The following DYNC1I2 variants were observed in gnomAD, a reference collection of about 807,000 sequenced individuals.
The protein encoded by DYNC1I2 is cytoplasmic dynein 1 intermediate chain 2.
In DYNC1I2, 53 loss-of-function variants were observed where a neutral mutation model predicts 88.6. The observed-to-expected ratio is 0.60, with a 90% CI of 0.48 to 0.75. The LOEUF is 0.75. Ranked by LOEUF, DYNC1I2 falls within the 30% of genes least tolerant of loss-of-function variation. The pLI, the probability that DYNC1I2 is intolerant of heterozygous loss-of-function variation, is 0.00. For synonymous variants in DYNC1I2, 198 were observed against 254.6 expected, an observed-to-expected ratio of 0.78 and a Z score of 2.12; for missense variants, 458 against 766.6, an observed-to-expected ratio of 0.60 and a Z score of 4.75.
chr2:171,703,849 C>T (rs1159460131), intron 3 of DYNC1I2, among the ~76,000 whole-genome samples: 1 of 152,152 alleles, frequency 6.6e-6, no homozygotes, highest in Non-Finnish European at 1.5e-5. Context: ...TACTGAGTAT[C>T]ATTGATGACC....
chr2:171,691,962 G>A (rs1301784554), intron 2 of DYNC1I2, among the ~76,000 whole-genome samples: 7 of 152,028 alleles, frequency 4.6e-5, no homozygotes, highest in African/African-American at 7.2e-5. Flanking sequence ...AACCTGTTTT[G>A]TTATTTTGAT....
At chr2:171,690,744 C>T (rs1418194927) in intron 2 of DYNC1I2, among the ~76,000 whole-genome samples, 1 of 150,886 alleles carries the variant, frequency 6.6e-6, no homozygotes, top group Non-Finnish European at 1.5e-5. Context: ...GCCTCAACCT[C>T]CCCTGACTCA....
chr2:171,707,842 T>C (rs1026284403), intron 5 of DYNC1I2, among the ~76,000 whole-genome samples: 19 of 152,170 alleles, frequency 1.2e-4, no homozygotes, highest in African/African-American at 3.6e-4. Flanking sequence ...AGAATAATAA[T>C]GCATAAAATG....
At chr2:171,742,167 T>TTTTTTTTA in intron 15 of DYNC1I2, among the ~76,000 whole-genome samples, 1 of 151,916 alleles carries the variant, frequency 6.6e-6, no homozygotes, top group East Asian at 1.9e-4. Flanking sequence ...TCCAACTTTA[T>TTTTTTTTA]TTTTTTTATT....
At position 171,747,916 on chromosome 2, in the gene DYNC1I2, G is replaced by A. The variant is rs750290236; in HGVS notation, c.*27G>A. The A allele has an allele frequency of 1.3e-6, 2 of 1,499,942 alleles. No homozygotes were observed. Among genetic ancestry groups the A allele is most frequent in the Non-Finnish European group, 1.8e-6 (2 of 1,081,906 alleles). 92.9% of individuals were successfully genotyped at this position (1,499,942 alleles called of 1,614,324 possible). ...TCCTGAAAAGGGGAGTGTAACTAGT[G>A]GATTTGGGAAAGGTTCTTAAGTAGA... On this transcript the variant is annotated 3_prime_UTR_variant, in exon 18 of 18. Coordinates refer to ENST00000397119, the MANE Select transcript of DYNC1I2 (RefSeq NM_001378.3).
chr2:171,743,001 T>C lies in DYNC1I2; in HGVS notation c.1537-1048T>C, dbSNP rs190934265. ...CCTTGAATAATGCAGGGCTTAGGGG[T>C]GCCAACGCCTATCCCAGCAGTTCAA... On this transcript the variant is annotated intron_variant, in intron 15 of 17. Transcript: ENST00000397119. Among the ~76,000 whole-genome samples the C allele has an allele frequency of 6.6e-5, 10 of 152,284 alleles. No individual in the cohort carries two copies. The East Asian group carries it at 1.9e-3, about 29-fold the overall frequency.
At position 171,709,475 on chromosome 2, in the gene DYNC1I2, A is replaced by C. The variant is rs546010017; in HGVS notation, c.335+2098A>C. The stretch of plus-strand genomic sequence containing the variant: ...ACATTCATGGTCCTTGCTTTCATAG[A>C]ATTTACATTGTAGTGATTACATCAT... On this transcript the variant is annotated intron_variant, in intron 5 of 17. Transcript: ENST00000397119. Among the ~76,000 whole-genome samples, 72 of 152,324 alleles carry C rather than the reference A, an allele frequency of 4.7e-4. 1 individual carries two copies. Among genetic ancestry groups the C allele is most frequent in the African/African-American group, 1.7e-3 (70 of 41,572 alleles).
intron 15 of DYNC1I2, among the ~76,000 whole-genome samples, chr2:171,739,089 C>T (rs1689214168): frequency 7.3e-6 from 1 of 136,162 alleles, no homozygotes; most frequent in Non-Finnish European, 1.6e-5. Context: ...GCACTCTAGC[C>T]TGGGCAACAA....
chr2:171,749,062 G>A lies in DYNC1I2; in HGVS notation c.*1173G>A, dbSNP rs914968042. 6.6e-6 allele frequency among the ~76,000 whole-genome samples: 1 copy of A among 152,176 alleles called. No homozygotes were observed. Among genetic ancestry groups the A allele is most frequent in the Non-Finnish European group, 1.5e-5 (1 of 68,004 alleles). On this transcript the variant is annotated 3_prime_UTR_variant, in exon 18 of 18. Coordinates refer to ENST00000397119, the MANE Select transcript of DYNC1I2 (RefSeq NM_001378.3). ...TTCAACAGAACATGAACTAGGAAGA[G>A]AGATTAGAAAACAGAATGTGAACAT...
At chr2:171,718,316 A>G (rs1385299594) in intron 7 of DYNC1I2, among the ~76,000 whole-genome samples, 3 of 152,202 alleles carry the variant, frequency 2.0e-5, no homozygotes, top group East Asian at 3.9e-4. Context: ...TCTAATTACT[A>G]TAGTGGTATA....
intron 5 of DYNC1I2, chr2:171,712,551 T>C: frequency 2.0e-6 from 1 of 496,538 alleles, no homozygotes; most frequent in East Asian, 3.1e-5. Context: ...TATGCTTGCA[T>C]CTTTAACCAT....
At chr2:171,691,182 T>C (rs550628113) in intron 2 of DYNC1I2, among the ~76,000 whole-genome samples, 5 of 152,314 alleles carry the variant, frequency 3.3e-5, no homozygotes, top group Non-Finnish European at 7.4e-5. Flanking sequence ...GTAGTAGGTT[T>C]GATGGTACCA....
chr2:171,700,471 A>T (rs574421293), intron 3 of DYNC1I2, among the ~76,000 whole-genome samples: 5 of 152,178 alleles, frequency 3.3e-5, no homozygotes, highest in Non-Finnish European at 5.9e-5. Context: ...TTCAACATTT[A>T]AAAAAATCGT....
intron 7 of DYNC1I2, among the ~76,000 whole-genome samples, chr2:171,718,636 T>C (rs1394603684): frequency 6.6e-6 from 1 of 152,042 alleles, no homozygotes; most frequent in Non-Finnish European, 1.5e-5. Context: ...GATTTCACCA[T>C]GTTAGCCAGG....
intron 3 of DYNC1I2, 74 bp from the exon 4 acceptor site, chr2:171,706,472 TG>T: frequency 7.8e-7 from 1 of 1,275,722 alleles, no homozygotes; most frequent in Non-Finnish European, 1.1e-6. Flanking sequence ...TTATATACTA[TG>T]AAAAATGTGT....
chr2:171,729,362 A>G (rs1396426029), intron 14 of DYNC1I2, among the ~76,000 whole-genome samples: 2 of 152,166 alleles, frequency 1.3e-5, no homozygotes, highest in African/African-American at 2.4e-5. Flanking sequence ...TTTCATCTCA[A>G]ATATAGATCA....
chr2:171,695,964 A>G (rs998713020), intron 3 of DYNC1I2, among the ~76,000 whole-genome samples: 1 of 152,074 alleles, frequency 6.6e-6, no homozygotes, highest in Non-Finnish European at 1.5e-5. Flanking sequence ...GAGGTTGACC[A>G]CCTCTTTATA....
chr2:171,694,820 G>A (rs1324781579), intron 3 of DYNC1I2, among the ~76,000 whole-genome samples: 1 of 152,104 alleles, frequency 6.6e-6, no homozygotes, highest in Non-Finnish European at 1.5e-5. Context: ...GAGGTGGGGG[G>A]AGGTGCCACA....
intron 3 of DYNC1I2, among the ~76,000 whole-genome samples, chr2:171,703,770 T>G (rs948892256): frequency 2.0e-5 from 3 of 152,124 alleles, no homozygotes; most frequent in Admixed American, 2.0e-4. Context: ...TTATTTAAAT[T>G]TTAATATTCC....
Sources: allele counts gnomAD v4.1 joint callset (sites outside exome capture counted in the v4.1 genomes callset), GRCh38; gene constraint gnomAD v4.1.1; transcripts MANE v1.5; gene names NCBI Gene and HGNC (gene_info 2026-07-23, HGNC 2026-07-21).